The following MTMR2 variants were observed in gnomAD, a reference collection of about 807,000 sequenced individuals.
The protein encoded by MTMR2 is phosphatidylinositol-3,5-bisphosphate 3-phosphatase MTMR2.
A neutral mutation model predicts 86.9 loss-of-function variants in MTMR2; 55 were observed. The ratio of observed to expected loss-of-function variants is 0.63; its 90% CI spans 0.51 to 0.79. The LOEUF is 0.79. MTMR2 is among the 30% of genes least tolerant of loss of function. The probability of loss-of-function intolerance (pLI) is 0.00; values close to 1 mark genes in which losing one functional copy is unlikely to be tolerated. For synonymous variants in MTMR2, 241 were observed against 266.8 expected, an observed-to-expected ratio of 0.90 and a Z score of 0.94; for missense variants, 659 against 772.3, an observed-to-expected ratio of 0.85 and a Z score of 1.74.
intron 11 of MTMR2, 124 bp from the exon 12 acceptor site, chr11:95,841,833 C>T: frequency 1.3e-6 from 1 of 750,474 alleles, no homozygotes; most frequent in Non-Finnish European, 2.3e-6. Flanking sequence ...CTGTGGTTTA[C>T]ACCTGTAATC....
chr11:95,870,461 T>A (rs926450228), intron 2 of MTMR2, among the ~76,000 whole-genome samples: 1 of 152,088 alleles, frequency 6.6e-6, no homozygotes, highest in African/African-American at 2.4e-5. Flanking sequence ...AATAGAATCC[T>A]GGATTAGTCT....
chr11:95,834,447 A>G lies in MTMR2; in HGVS notation c.*843T>C, dbSNP rs1360488102. 1 of 152,114 alleles carries G rather than the reference A, an allele frequency of 6.6e-6. No individual in the cohort carries two copies. Among genetic ancestry groups the G allele is most frequent in the Non-Finnish European group, 1.5e-5 (1 of 67,976 alleles). 9.4% of individuals were successfully genotyped at this position (152,114 alleles called of 1,614,324 possible). On this transcript the variant is annotated 3_prime_UTR_variant, in exon 15 of 15. Coordinates refer to ENST00000346299, the MANE Select transcript of MTMR2 (RefSeq NM_016156.6). ...ATGTCAATCCTAGTAAGATTTTTAAATACTTCTTAAAAACTTGCTAATTAG... is the reference window on the plus strand; with the variant it reads ...ATGTCAATCCTAGTAAGATTTTTAAGTACTTCTTAAAAACTTGCTAATTAG...
At chr11:95,889,447 T>C (rs1035160922) in intron 1 of MTMR2, among the ~76,000 whole-genome samples, 5 of 149,592 alleles carry the variant, frequency 3.3e-5, no homozygotes, top group African/African-American at 1.2e-4. Flanking sequence ...TTTCGATACC[T>C]GATCACGCTT....
intron 1 of MTMR2, among the ~76,000 whole-genome samples, chr11:95,916,253 C>T (rs1866698339): frequency 6.6e-6 from 1 of 152,126 alleles, no homozygotes. Flanking sequence ...GACAGAACCT[C>T]CAAATTTAGC....
chr11:95,914,188 T>C (rs182032077), intron 1 of MTMR2: 158 of 978,374 alleles, frequency 1.6e-4, no homozygotes, highest in South Asian at 9.4e-5. Context: ...AGAAATACTG[T>C]TGGCAATATT....
chr11:95,860,494 CTT>C lies in MTMR2; in HGVS notation c.468+1496_468+1497del, dbSNP rs1456491696. Reference sequence around the variant, plus strand: ...CCAGCCTAAGCAACAGAGCCAGACTCTTGTCTCAAAAAAAAAGAAAACTACAA... The same window carrying C: ...CCAGCCTAAGCAACAGAGCCAGACTCGTCTCAAAAAAAAAGAAAACTACAA... On this transcript the variant is annotated intron_variant, in intron 5 of 14. Coordinates refer to ENST00000346299, the MANE Select transcript of MTMR2 (RefSeq NM_016156.6). Among the ~76,000 whole-genome samples, 65 of 152,032 alleles carry C rather than the reference CTT, an allele frequency of 4.3e-4. 1 individual carries two copies. Among genetic ancestry groups the C allele is most frequent in the Non-Finnish European group, 4.4e-5 (3 of 67,994 alleles).
At position 95,914,552 on chromosome 11, in the gene MTMR2, C is replaced by G. The variant is rs564176377; in HGVS notation, c.80+9323G>C. Reference sequence around the variant, plus strand: ...AATGAAATGATACTATCCTCTTAATCTCAGGCAAAGAAAAAAAAACATCCT... The same window carrying G: ...AATGAAATGATACTATCCTCTTAATGTCAGGCAAAGAAAAAAAAACATCCT... On this transcript the variant is annotated intron_variant, in intron 1 of 14. Coordinates refer to ENST00000346299, the MANE Select transcript of MTMR2 (RefSeq NM_016156.6). Among the ~76,000 whole-genome samples the G allele has an allele frequency of 5.3e-5, 8 of 152,174 alleles. No homozygotes were observed. The South Asian group carries it at 1.7e-3, about 32-fold the overall frequency.
intron 2 of MTMR2, among the ~76,000 whole-genome samples, chr11:95,885,133 A>G (rs1158653039): frequency 6.6e-6 from 1 of 152,116 alleles, no homozygotes; most frequent in Non-Finnish European, 1.5e-5. Flanking sequence ...TCCCTTTGTA[A>G]CCTAGTGCTA....
chr11:95,845,707 C>CTA (rs34932910), intron 10 of MTMR2, among the ~76,000 whole-genome samples: 54,256 of 151,572 alleles, frequency 0.36, 10,201 homozygotes, highest in Non-Finnish European at 0.42. Flanking sequence ...TTCTGTAACA[C>CTA]TGCATGAAAA....
At chr11:95,880,102 G>T (rs1322813346) in intron 2 of MTMR2, among the ~76,000 whole-genome samples, 2 of 151,262 alleles carry the variant, frequency 1.3e-5, no homozygotes, top group East Asian at 1.9e-4. Context: ...TATAAATTTT[G>T]CCTTTTAGTG....
In MTMR2 at chr11:95,924,006, G is replaced by C; in HGVS notation, c.-52C>G. The C allele has an allele frequency of 1.3e-6, 2 of 1,548,260 alleles. No homozygotes were observed. Among genetic ancestry groups the C allele is most frequent in the Non-Finnish European group, 1.7e-6 (2 of 1,145,124 alleles). ...GGCTGAAGCAGTCTTCGCGGCTACA[G>C]GGCGGGAGAAGCGGAGGGCGGAGTG... On this transcript the variant is annotated 5_prime_UTR_variant, in exon 1 of 15. Transcript: ENST00000346299.
chr11:95,878,403 G>A (rs1359065997), intron 2 of MTMR2, among the ~76,000 whole-genome samples: 1 of 151,772 alleles, frequency 6.6e-6, no homozygotes, highest in Non-Finnish European at 1.5e-5. Context: ...CCCGCAGAAT[G>A]TACACCACAA....
intron 10 of MTMR2, among the ~76,000 whole-genome samples, chr11:95,845,570 C>T (rs568120): frequency 0.6 from 90,532 of 151,918 alleles, 29,185 homozygotes; most frequent in African/African-American, 0.86. Flanking sequence ...TTGGGATAAG[C>T]ACCTGAAAGC....
chr11:95,898,527 C>A (rs1020265194), intron 1 of MTMR2, among the ~76,000 whole-genome samples: 4 of 151,686 alleles, frequency 2.6e-5, no homozygotes, highest in Admixed American at 1.3e-4. Flanking sequence ...CACACACACA[C>A]AAAAAAACAC....
At chr11:95,890,255 C>CT (rs889749997) in intron 1 of MTMR2, among the ~76,000 whole-genome samples, 10 of 151,872 alleles carry the variant, frequency 6.6e-5, no homozygotes, top group South Asian at 6.2e-4. Flanking sequence ...TGATGTTTTC[C>CT]TTTTTTTTGT....
chr11:95,915,115 T>A (rs1311860839), intron 1 of MTMR2, among the ~76,000 whole-genome samples: 3 of 152,208 alleles, frequency 2.0e-5, no homozygotes, highest in Non-Finnish European at 4.4e-5. Flanking sequence ...CCTTTGGTTA[T>A]GATAAAAGAA....
At chr11:95,836,479 A>G (rs867925075) in intron 13 of MTMR2, among the ~76,000 whole-genome samples, 155 bp from the exon 14 acceptor site, 3 of 152,186 alleles carry the variant, frequency 2.0e-5, no homozygotes, top group Middle Eastern at 3.4e-3. Context: ...TTAAGATCAG[A>G]GGGTACTGGA....
intron 1 of MTMR2, among the ~76,000 whole-genome samples, chr11:95,911,946 T>C (rs1230154857): frequency 1.3e-5 from 2 of 152,166 alleles, no homozygotes; most frequent in East Asian, 1.9e-4. Flanking sequence ...ATTTTTGCTA[T>C]CCAGATAGAT....
At chr11:95,854,043 G>GT (rs1565354062) in intron 7 of MTMR2, among the ~76,000 whole-genome samples, 2 of 152,096 alleles carry the variant, frequency 1.3e-5, no homozygotes, top group South Asian at 2.1e-4. Flanking sequence ...CATTATTCAC[G>GT]TAAGTAGCAG....
Sources: allele counts gnomAD v4.1 joint callset (sites outside exome capture counted in the v4.1 genomes callset), GRCh38; gene constraint gnomAD v4.1.1; transcripts MANE v1.5; gene names NCBI Gene and HGNC (gene_info 2026-07-23, HGNC 2026-07-21).